ZNF529: variants seen among roughly 807,000 people sequenced by gnomAD.
The protein encoded by ZNF529 is zinc finger protein 529.
ZNF529 carries 11 observed loss-of-function variants against 10.1 expected under a neutral mutation model. The ratio of observed to expected loss-of-function variants is 1.09; its 90% CI spans 0.69 to 1.81. ZNF529 has a LOEUF of 1.81. Among genes scored for constraint, ZNF529 ranks in the 40% most tolerant of loss-of-function variants. ZNF529 has a pLI of 0.00. For synonymous variants in ZNF529, 204 were observed against 215.7 expected (o/e 0.95, Z 0.47); for missense variants, 624 against 666.8 (o/e 0.94, Z 0.71).
chr19:36,579,284 TTAAGTA>T (rs1421115495), intron 2 of ZNF529, among the ~76,000 whole-genome samples: 1 of 152,046 alleles, frequency 6.6e-6, no homozygotes, highest in African/African-American at 2.4e-5. Flanking sequence ...AAGATACACA[TTAAGTA>T]TAAGAAAGTT....
chr19:36,555,750 A>G (rs2035444537), intron 3 of ZNF529, among the ~76,000 whole-genome samples: 2 of 152,210 alleles, frequency 1.3e-5, no homozygotes, highest in East Asian at 1.9e-4. Flanking sequence ...ACTTGAGGCC[A>G]TTCAACATCA....
chr19:36,555,138 T>C (rs955488966), intron 3 of ZNF529, among the ~76,000 whole-genome samples: 5 of 152,250 alleles, frequency 3.3e-5, no homozygotes, highest in African/African-American at 1.2e-4. Context: ...GGTAAGTTTC[T>C]ATACCGTCAT....
chr19:36,586,573 C>G lies in ZNF529; in HGVS notation c.-41+3042G>C, dbSNP rs576473996. Among the ~76,000 whole-genome samples the G allele has an allele frequency of 4.6e-5, 7 of 151,898 alleles. No homozygotes were observed. In the East Asian group the frequency reaches 1.4e-3, roughly 30 times the overall value. On this transcript the variant is annotated intron_variant, in intron 2 of 4. Coordinates refer to the ZNF529 transcript ENST00000585960. Reference sequence around the variant, plus strand: ...TAAGCTGAGATCATGCCATTGCACTCCAGCCTGGGCAACAGAGCGAAAGCG... The same window carrying G: ...TAAGCTGAGATCATGCCATTGCACTGCAGCCTGGGCAACAGAGCGAAAGCG...
intron 1 of ZNF529, among the ~76,000 whole-genome samples, chr19:36,572,708 T>TTTATCTATC (rs149388786): frequency 0.15 from 22,379 of 151,832 alleles, 2,149 homozygotes; most frequent in Non-Finnish European, 0.22. Context: ...GGAAACTTCA[T>TTTATCTATC]TTATCTATCT....
chr19:36,596,948 A>C (rs2036851702), intron 1 of ZNF529, among the ~76,000 whole-genome samples: 1 of 152,028 alleles, frequency 6.6e-6, no homozygotes, highest in African/African-American at 2.4e-5. Context: ...ATCACAGCTC[A>C]CTGCAGTCTT....
chr19:36,567,771 AC>A (rs1359404090), intron 2 of ZNF529, among the ~76,000 whole-genome samples: 1 of 152,090 alleles, frequency 6.6e-6, no homozygotes, highest in African/African-American at 2.4e-5. Flanking sequence ...TTAAATGATG[AC>A]ACCAAAAGGA....
intron 2 of ZNF529, among the ~76,000 whole-genome samples, chr19:36,571,753 G>C (rs1484931147): frequency 6.6e-6 from 1 of 151,392 alleles, no homozygotes; most frequent in African/African-American, 2.4e-5. Context: ...ATTAGACTGT[G>C]CTGCTTTAGA....
intron 1 of ZNF529, among the ~76,000 whole-genome samples, chr19:36,590,398 A>C (rs185253198): frequency 6.6e-6 from 1 of 152,200 alleles, no homozygotes; most frequent in Non-Finnish European, 1.5e-5. Context: ...TAAATACATA[A>C]ATAAATAAAA....
chr19:36,579,568 TATATAGC>T lies in ZNF529; in HGVS notation c.-41+10040_-41+10046del, dbSNP rs374704190. Among the ~76,000 whole-genome samples the T allele has an allele frequency of 7.2e-3, 1,095 of 152,360 alleles. 4 individuals are homozygous for T. Among genetic ancestry groups the T allele is most frequent in the Middle Eastern group, 0.02 (6 of 294 alleles). ...TAGGCTACAAACCTGTATAGCATAT[TATATAGC>T]ATATAGCATACCTGTATTGAATGCT... On this transcript the variant is annotated intron_variant, in intron 2 of 4. Coordinates refer to the ZNF529 transcript ENST00000585960.
intron 1 of ZNF529, among the ~76,000 whole-genome samples, chr19:36,596,579 T>A (rs2036845855): frequency 6.6e-6 from 1 of 152,020 alleles, no homozygotes; most frequent in Non-Finnish European, 1.5e-5. Flanking sequence ...GTACAGTGAC[T>A]TGGTCTCAGC....
chr19:36,591,384 A>T lies in ZNF529; in HGVS notation c.-127-1683T>A, dbSNP rs183745248. ...GAAATGGACAAAATTTCTAAAAAAA[A>T]ATATATAACTTACTGAAACACACAA... On this transcript the variant is annotated intron_variant, in intron 1 of 4. Coordinates refer to the ZNF529 transcript ENST00000585960. 1.2e-3 allele frequency among the ~76,000 whole-genome samples: 186 copies of T among 152,052 alleles called. 1 individual carries two copies. Among genetic ancestry groups the T allele is most frequent in the African/African-American group, 2.9e-3 (120 of 41,538 alleles).
intron 2 of ZNF529, among the ~76,000 whole-genome samples, chr19:36,570,912 G>A (rs1363692643): frequency 6.6e-6 from 1 of 151,992 alleles, no homozygotes; most frequent in African/African-American, 2.4e-5. Context: ...AATGTATCCA[G>A]GCCTCATAAA....
At position 36,546,452 on chromosome 19, in the gene ZNF529, T is replaced by C. The variant is rs923189114; in HGVS notation, c.*414A>G. The C allele has an allele frequency of 6.4e-6, 1 of 157,028 alleles. No individual in the cohort carries two copies. The highest frequency in any genetic ancestry group is 1.4e-5 in the Non-Finnish European group (1 of 71,510). The allele number at this position is 157,028 out of a possible 1,614,324, so 9.7% of individuals were successfully genotyped here. A position where few individuals can be genotyped will look rare whatever the true frequency, so the allele number is the denominator to read the frequency against. On this transcript the variant is annotated 3_prime_UTR_variant, in exon 5 of 5. Transcript: ENST00000591340. The stretch of plus-strand genomic sequence containing the variant: ...GCTGTAAGACTGTAAAAATACATTG[T>C]ATCTGACTAGGAGTGCTAACTCTGT...
chr19:36,599,110 A>T (rs80161224), intron 1 of ZNF529, among the ~76,000 whole-genome samples: 1 of 152,204 alleles, frequency 6.6e-6, no homozygotes, highest in East Asian at 1.9e-4. Flanking sequence ...CCAGTCTTTT[A>T]TGCCTATTTG....
Position 36,561,183 on chromosome 19 carries a change from G to A in ZNF529, c.15-4986C>T, listed in dbSNP as rs373659599. 2.2e-3 allele frequency among the ~76,000 whole-genome samples: 334 copies of A among 152,134 alleles called. 2 individuals are homozygous for A. Among genetic ancestry groups the A allele is most frequent in the African/African-American group, 7.8e-3 (324 of 41,516 alleles). On this transcript the variant is annotated intron_variant, in intron 2 of 4. Transcript: ENST00000591340. ...CATGGAACTTTGGGGCTTGCTGCCC[G>A]GGGCTGCCTCAAGTCTCTGCTCCCC...
intron 2 of ZNF529, chr19:36,582,393 C>CA (rs34619349): frequency 0.34 from 51,280 of 151,356 alleles, 9,220 homozygotes; most frequent in African/African-American, 0.47. Flanking sequence ...AACCAAAAGT[C>CA]AAAAAAAAGA....
At position 36,554,711 on chromosome 19, in the gene ZNF529, C is replaced by A; in HGVS notation, c.194G>T (p.Trp65Leu). ...YLDSAQRNLY[W>L]DVMMENYSNL... ...GCTGTAGTTCTCCATCATCACATCCCAGTACAAGTTCCTCTGAGCAGAATC... is the reference window on the plus strand; with the variant it reads ...GCTGTAGTTCTCCATCATCACATCCAAGTACAAGTTCCTCTGAGCAGAATC... The change falls in exon 4 of 5, where the codon TGG (tryptophan) becomes TTG (leucine). Residue 65 changes from tryptophan to leucine, a missense_variant. Coordinates refer to ENST00000591340, the MANE Select transcript of ZNF529 (RefSeq NM_020951.5). 6.3e-7 allele frequency: 1 copy of A among 1,575,772 alleles called. No homozygotes were observed.
intron 2 of ZNF529, among the ~76,000 whole-genome samples, chr19:36,589,340 A>G (rs2036653398): frequency 6.6e-6 from 1 of 152,148 alleles, no homozygotes; most frequent in African/African-American, 2.4e-5. Flanking sequence ...TGCTATTTCC[A>G]GGCAGATAGT....
Position 36,584,982 on chromosome 19 carries a change from A to C in ZNF529, c.-41+4633T>G, listed in dbSNP as rs1235315515. On this transcript the variant is annotated intron_variant, in intron 2 of 4. Coordinates refer to the ZNF529 transcript ENST00000585960. Reference sequence around the variant, plus strand: ...CATAGAAGTCAATAAAACATAAAAGAAGCAGCAAGTATAAGCCTGATTAAA... The same window carrying C: ...CATAGAAGTCAATAAAACATAAAAGCAGCAGCAAGTATAAGCCTGATTAAA... Among the ~76,000 whole-genome samples the C allele has an allele frequency of 3.9e-5, 6 of 152,158 alleles. No homozygotes were observed. In the East Asian group the frequency reaches 7.7e-4, roughly 20 times the overall value.
Sources: allele counts gnomAD v4.1 joint callset (sites outside exome capture counted in the v4.1 genomes callset), GRCh38; gene constraint gnomAD v4.1.1; transcripts MANE v1.5; gene names NCBI Gene and HGNC (gene_info 2026-07-23, HGNC 2026-07-21).